The following SLC39A11 variants were observed in gnomAD, a reference collection of about 807,000 sequenced individuals.
SLC39A11 encodes the protein zinc transporter ZIP11.
A neutral mutation model predicts 36.1 loss-of-function variants in SLC39A11; 33 were observed. The observed-to-expected ratio is 0.91, with a 90% CI of 0.69 to 1.22. SLC39A11 has a LOEUF of 1.22. SLC39A11 is among the 50% of genes most tolerant of loss of function. The pLI is 0.00. For missense variants in SLC39A11, 432 were observed against 430.3 expected, an observed-to-expected ratio of 1.00 and a Z score of -0.03; for synonymous variants, 166 against 170.3, an observed-to-expected ratio of 0.97 and a Z score of 0.20.
intron 5 of SLC39A11, among the ~76,000 whole-genome samples, chr17:72,932,292 T>TTATTATTATTATTATTATTATTA (rs2084446487): frequency 1.4e-5 from 2 of 144,372 alleles, no homozygotes; most frequent in African/African-American, 5.7e-5. Context: ...GACCTGTTCT[T>TTATTATTATTATTATTATTATTA]TTATTATTAT....
At chr17:73,073,073 G>C (rs550803388) in intron 3 of SLC39A11, among the ~76,000 whole-genome samples, 4 of 152,164 alleles carry the variant, frequency 2.6e-5, no homozygotes, top group African/African-American at 7.2e-5. Context: ...CCAGCTACTC[G>C]GGAGGCCAAG....
chr17:72,896,192 C>CTTTT lies in SLC39A11; in HGVS notation c.431-46392_431-46389dup, dbSNP rs771180987. Among the ~76,000 whole-genome samples, 153 of 74,604 alleles carry CTTTT rather than the reference C, an allele frequency of 2.1e-3. 14 individuals are homozygous for CTTTT. The highest frequency in any genetic ancestry group is 6.5e-3 in the African/African-American group (106 of 16,408). The allele number at this position is 74,604 out of a possible 152,430, so 48.9% of individuals were successfully genotyped here. ...CATTTGGGGATTGTTCACATTAATC[C>CTTTT]TTTTTTTTTTTTTTTTTTTTTTTTT... On this transcript the variant is annotated intron_variant, in intron 5 of 9. Transcript: ENST00000255559.
chr17:72,859,476 G>A (rs1215062131), intron 5 of SLC39A11, among the ~76,000 whole-genome samples: 22 of 151,934 alleles, frequency 1.4e-4, no homozygotes, highest in Non-Finnish European at 1.5e-5. Context: ...GGGGCTCAAG[G>A]GGCACTTCTC....
rs186594537 is a variant in SLC39A11 at position 72,649,250 on chromosome 17, G to T, written c.690C>A (p.Ile230=). ...GGCCCTCGGGGAAATTCTGGATCCC[G>T]ATTCCAATGGCCAAATTCCTGAAAA... ...FESARNLAIG[I]GIQNFPEGLA... is the part of the protein sequence containing the mutation. The change falls in exon 8 of 10, where the codon ATC becomes ATA. Residue 230 remains isoleucine, a synonymous_variant. Transcript: ENST00000255559. The T allele has an allele frequency of 6.2e-7, 1 of 1,614,158 alleles. No homozygotes were observed. Among genetic ancestry groups the T allele is most frequent in the Non-Finnish European group, 8.5e-7 (1 of 1,180,012 alleles).
Position 72,900,185 on chromosome 17 carries a change from GAAAGAAAGAAAGAAAGAAAGAAAGAAA to G in SLC39A11, c.430+47540_430+47566del, listed in dbSNP as rs1567912781. ...AGAAAGAAAGAAAGAAAGAAAGAAA[GAAAGAAAGAAAGAAAGAAAGAAAGAAA>G]GAAAGAAAGAAAGAAAGAAAAAGAC... On this transcript the variant is annotated intron_variant, in intron 5 of 9. Transcript: ENST00000255559. Among the ~76,000 whole-genome samples the G allele has an allele frequency of 4.8e-3, 692 of 144,770 alleles. 100 individuals are homozygous for G. The highest frequency in any genetic ancestry group is 0.017 in the African/African-American group (639 of 38,194). The allele number at this position is 144,770 out of a possible 152,430, so 95.0% of individuals were successfully genotyped here. A position where few individuals can be genotyped will look rare whatever the true frequency, so the allele number is the denominator to read the frequency against.
At chr17:72,697,983 C>T (rs749315780) in intron 7 of SLC39A11, among the ~76,000 whole-genome samples, 5 of 152,154 alleles carry the variant, frequency 3.3e-5, no homozygotes, top group East Asian at 1.9e-4. Flanking sequence ...AATTGTTTTC[C>T]GCCTTGGACA....
At chr17:72,920,273 C>T (rs1390415544) in intron 5 of SLC39A11, among the ~76,000 whole-genome samples, 1 of 151,898 alleles carries the variant, frequency 6.6e-6, no homozygotes, top group Admixed American at 6.6e-5. Flanking sequence ...CGGGAAGCCT[C>T]AGCACAAAAG....
chr17:72,738,787 G>A (rs546649337), intron 6 of SLC39A11, among the ~76,000 whole-genome samples: 3 of 152,332 alleles, frequency 2.0e-5, no homozygotes, highest in Admixed American at 6.5e-5. Flanking sequence ...CTGAATGAGA[G>A]GAACTCGTTT....
intron 7 of SLC39A11, among the ~76,000 whole-genome samples, chr17:72,702,831 G>A (rs980990387): frequency 1.3e-5 from 2 of 150,228 alleles, no homozygotes; most frequent in Non-Finnish European, 2.9e-5. Flanking sequence ...CAGCTACTCA[G>A]GAGGCTGAGG....
intron 3 of SLC39A11, among the ~76,000 whole-genome samples, chr17:73,034,223 C>T (rs1216871514): frequency 6.6e-6 from 1 of 152,108 alleles, no homozygotes; most frequent in Non-Finnish European, 1.5e-5. Flanking sequence ...TGGAAAGGTG[C>T]CCGTTCTTCT....
Position 72,898,865 on chromosome 17 carries a change from G to A in SLC39A11, c.430+48887C>T, listed in dbSNP as rs74437423. 6.9e-3 allele frequency among the ~76,000 whole-genome samples: 1,047 copies of A among 152,312 alleles called. 11 individuals are homozygous for A. Among genetic ancestry groups the A allele is most frequent in the African/African-American group, 0.024 (1,011 of 41,568 alleles). On this transcript the variant is annotated intron_variant, in intron 5 of 9. Transcript: ENST00000255559. Reference sequence around the variant, plus strand: ...CAGAACCCTCACTCTTTCCCCTGCAGCAGTTGCTCAGGGAGGCGACTGCCA... The same window carrying A: ...CAGAACCCTCACTCTTTCCCCTGCAACAGTTGCTCAGGGAGGCGACTGCCA...
rs762054119 is a variant in SLC39A11, at chr17:72,900,161, GA to G, written c.430+47590del. 1.9e-4 allele frequency among the ~76,000 whole-genome samples: 10 copies of G among 54,026 alleles called. 1 individual carries two copies. In the South Asian group the frequency reaches 4.5e-3, roughly 24 times the overall value. The allele number at this position is 54,026 out of a possible 152,430, so 35.4% of individuals were successfully genotyped here. On this transcript the variant is annotated intron_variant, in intron 5 of 9. Coordinates refer to ENST00000255559, the MANE Select transcript of SLC39A11 (RefSeq NM_139177.4). ...AAGAAAAAGAAAGAAAGAAAAGAAA[GA>G]AAGAAAGAAAGAAAGAAAGAAAGAA...
At chr17:72,870,385 C>CA (rs2146361678) in intron 5 of SLC39A11, among the ~76,000 whole-genome samples, 1 of 152,308 alleles carries the variant, frequency 6.6e-6, no homozygotes, top group African/African-American at 2.4e-5. Context: ...TATCCACCTG[C>CA]AAGGGTCTCA....
intron 4 of SLC39A11, among the ~76,000 whole-genome samples, chr17:72,966,943 C>T (rs372314230): frequency 6.6e-6 from 1 of 152,176 alleles, no homozygotes; most frequent in Non-Finnish European, 1.5e-5. Flanking sequence ...AGATCAGCAG[C>T]GGCATTAGAT....
chr17:72,869,483 G>A lies in SLC39A11; in HGVS notation c.431-19679C>T, dbSNP rs111926805. On this transcript the variant is annotated intron_variant, in intron 5 of 9. Coordinates refer to ENST00000255559, the MANE Select transcript of SLC39A11 (RefSeq NM_139177.4). ...TGGCTCACTGCAACCTCTGCCTCCCGGGTTCAAGCAATTCTCCTGTCTCAG... is the reference window on the plus strand; with the variant it reads ...TGGCTCACTGCAACCTCTGCCTCCCAGGTTCAAGCAATTCTCCTGTCTCAG... Among the ~76,000 whole-genome samples the A allele has an allele frequency of 3.0e-3, 451 of 152,250 alleles. 3 individuals are homozygous for A. The highest frequency in any genetic ancestry group is 0.01 in the African/African-American group (433 of 41,548).
At chr17:72,696,801 T>C (rs1055546096) in intron 7 of SLC39A11, among the ~76,000 whole-genome samples, 5 of 152,370 alleles carry the variant, frequency 3.3e-5, no homozygotes, top group Admixed American at 6.5e-5. Flanking sequence ...AATTGTGACA[T>C]TGTTACTGCC....
intron 6 of SLC39A11, among the ~76,000 whole-genome samples, chr17:72,767,104 C>T (rs936541686): frequency 2.0e-4 from 30 of 152,318 alleles, no homozygotes; most frequent in Admixed American, 3.9e-4. Context: ...TGACCAAAAT[C>T]GGCCAGAAGC....
chr17:73,004,040 C>T (rs1051338224), intron 4 of SLC39A11, among the ~76,000 whole-genome samples: 4 of 150,000 alleles, frequency 2.7e-5, no homozygotes, highest in Non-Finnish European at 3.0e-5. Context: ...AAGCCAAGAT[C>T]GCACCACTGC....
At chr17:72,848,951 T>C (rs1407403319) in intron 6 of SLC39A11, among the ~76,000 whole-genome samples, 1 of 152,196 alleles carries the variant, frequency 6.6e-6, no homozygotes, top group Non-Finnish European at 1.5e-5. Flanking sequence ...AAAACTTAAC[T>C]ATGAATAACC....
Sources: allele counts gnomAD v4.1 joint callset (sites outside exome capture counted in the v4.1 genomes callset), GRCh38; gene constraint gnomAD v4.1.1; transcripts MANE v1.5; gene names NCBI Gene and HGNC (gene_info 2026-07-23, HGNC 2026-07-21).